The following ZNF385C variants were observed in gnomAD, a reference collection of about 807,000 sequenced individuals.
ZNF385C encodes the protein zinc finger protein 385C.
ZNF385C carries 28 observed loss-of-function variants against 35.4 expected under a neutral mutation model. That is an observed-to-expected ratio of 0.79 (90% CI 0.59 to 1.08). The LOEUF (loss-of-function observed/expected upper bound fraction) is 1.08, where lower values mean the gene tolerates loss of function less well. ZNF385C is among the 50% of genes least tolerant of loss of function. The pLI is 0.00. For missense variants in ZNF385C, 605 were observed against 595.6 expected (o/e 1.02, Z -0.16); for synonymous variants, 248 against 248.2 (o/e 1.00, Z 0.01).
intron 2 of ZNF385C, among the ~76,000 whole-genome samples, chr17:42,041,388 C>A (rs1555656115): frequency 2.0e-5 from 3 of 152,212 alleles, no homozygotes. Flanking sequence ...GTTTTCTCAT[C>A]TCTACAGCTC....
chr17:42,044,893 A>G (rs868953786), intron 2 of ZNF385C, among the ~76,000 whole-genome samples: 1 of 147,422 alleles, frequency 6.8e-6, no homozygotes, highest in Non-Finnish European at 1.5e-5. Context: ...ATGTCCAGCC[A>G]TTGGCCAAAA....
At chr17:42,052,655 A>G (rs1430463804) in intron 2 of ZNF385C, among the ~76,000 whole-genome samples, 1 of 152,204 alleles carries the variant, frequency 6.6e-6, no homozygotes, top group Non-Finnish European at 1.5e-5. Flanking sequence ...ATGAACGTAC[A>G]GACTCCTACA....
chr17:42,054,515 C>A (rs1228947318), intron 2 of ZNF385C, among the ~76,000 whole-genome samples: 1 of 151,990 alleles, frequency 6.6e-6, no homozygotes, highest in Non-Finnish European at 1.5e-5. Context: ...GTACCTGGAC[C>A]CTTGGATCTG....
chr17:42,044,918 CTTTTTTTTT>C, intron 2 of ZNF385C, among the ~76,000 whole-genome samples: 1 of 132,602 alleles, frequency 7.5e-6, no homozygotes, highest in South Asian at 2.4e-4. Context: ...CCAACTCTAC[CTTTTTTTTT>C]TTTTTTTTGA....
At position 42,095,144 on chromosome 17, in the gene ZNF385C, G is replaced by A. The variant is rs1167592773; in HGVS notation, c.-3+3266C>T. On this transcript the variant is annotated intron_variant, in intron 1 of 8. Transcript: ENST00000692273. The surrounding 1 kb of genome is among the most constrained non-coding windows in gnomAD (Gnocchi z 4.4). ...GCCTCACGATGCTAATGAGGCCAAC[G>A]TGGCAGGCTGTTCCTCAAATAGCCC... Among the ~76,000 whole-genome samples the A allele has an allele frequency of 2.0e-5, 3 of 152,166 alleles. No homozygotes were observed. The highest frequency in any genetic ancestry group is 7.2e-5 in the African/African-American group (3 of 41,426).
chr17:42,068,142 G>A (rs782703863), intron 1 of ZNF385C, among the ~76,000 whole-genome samples: 7 of 152,116 alleles, frequency 4.6e-5, no homozygotes, highest in Admixed American at 2.6e-4. Context: ...AGCTAGGGGA[G>A]CCCAGTCAGA....
chr17:42,064,477 A>ATCT (rs2053518996), intron 1 of ZNF385C, among the ~76,000 whole-genome samples: 1 of 152,236 alleles, frequency 6.6e-6, no homozygotes, highest in Admixed American at 6.5e-5. Flanking sequence ...GTACCTTAGA[A>ATCT]AGTAACTCTA....
At chr17:42,068,569 G>A (rs1201657859) in intron 1 of ZNF385C, among the ~76,000 whole-genome samples, 1 of 152,136 alleles carries the variant, frequency 6.6e-6, no homozygotes, top group Non-Finnish European at 1.5e-5. Context: ...CTCCAGGCTG[G>A]CCTCAAACTT....
At chr17:42,082,722 T>C (rs2143931817) in intron 1 of ZNF385C, among the ~76,000 whole-genome samples, 1 of 152,196 alleles carries the variant, frequency 6.6e-6, no homozygotes, top group South Asian at 2.1e-4. Context: ...TGGTTGAGTC[T>C]AGGAGTTTGA....
At chr17:42,043,139 C>A in intron 2 of ZNF385C, 1 of 1,232,190 alleles carries the variant, frequency 8.1e-7, no homozygotes, top group Non-Finnish European at 1.0e-6. Context: ...CCTGAGGTCA[C>A]GTGGCGCAGC....
At chr17:42,044,140 T>A (rs1366252218) in intron 2 of ZNF385C, among the ~76,000 whole-genome samples, 25 of 83,590 alleles carry the variant, frequency 3.0e-4, no homozygotes, top group South Asian at 9.6e-4. Context: ...ACCCCATCTC[T>A]AAAAAAAAAA....
chr17:42,042,758 A>C, intron 2 of ZNF385C: 1 of 1,113,108 alleles, frequency 9.0e-7, no homozygotes. Context: ...AGGAGCTGGC[A>C]TGCTGGGGCT....
intron 3 of ZNF385C, among the ~76,000 whole-genome samples, chr17:42,036,552 A>T (rs1911270213): frequency 1.3e-5 from 2 of 152,104 alleles, no homozygotes; most frequent in African/African-American, 2.4e-5. Flanking sequence ...AAAATAAAAT[A>T]AAAAAGGAAC....
In ZNF385C at chr17:42,062,874, GTGCACC is replaced by G; in HGVS notation, c.177_182del (p.Gln59_Val60del). ...GCCTCTGGTGGGCCCGCCCCCCACAGTGCACCTGGGCCTGGGCCGCCGAGTTCAGCT... is the reference window on the plus strand; with the variant it reads ...GCCTCTGGTGGGCCCGCCCCCCACAGTGGGCCTGGGCCGCCGAGTTCAGCT... On this transcript the variant is annotated inframe_deletion, in exon 2 of 9. Transcript: ENST00000692273. The G allele has an allele frequency of 1.5e-6, 1 of 666,662 alleles. No individual in the cohort carries two copies. The highest frequency in any genetic ancestry group is 2.7e-6 in the Non-Finnish European group (1 of 368,198). The allele number at this position is 666,662 out of a possible 1,614,324, so 41.3% of individuals were successfully genotyped here. A position where few individuals can be genotyped will look rare whatever the true frequency, so the allele number is the denominator to read the frequency against.
chr17:42,053,890 G>A (rs1399180804), intron 2 of ZNF385C, among the ~76,000 whole-genome samples: 1 of 152,108 alleles, frequency 6.6e-6, no homozygotes, highest in African/African-American at 2.4e-5. Flanking sequence ...GCAGAACGAG[G>A]AGCAAATGAA....
intron 2 of ZNF385C, among the ~76,000 whole-genome samples, chr17:42,048,049 C>T (rs1195447317): frequency 6.6e-6 from 1 of 152,066 alleles, no homozygotes; most frequent in Non-Finnish European, 1.5e-5. Flanking sequence ...CTTGGTTTTC[C>T]TTCCTCTGTC....
intron 8 of ZNF385C, 64 bp downstream of exon 8, chr17:42,027,554 G>GGCCCCCCCCCCCCCCCCCCCCCCCC: frequency 1.8e-6 from 1 of 556,882 alleles, no homozygotes; most frequent in Non-Finnish European, 3.3e-6. Flanking sequence ...CCCCCATCTG[G>GGCCCCCCCCCCCCCCCCCCCCCCCC]CCCTCCCAGC....
chr17:42,034,261 A>G lies in ZNF385C; in HGVS notation c.474T>C (p.Ile158=). The G allele has an allele frequency of 1.9e-6, 3 of 1,550,660 alleles. No homozygotes were observed. Among genetic ancestry groups the G allele is most frequent in the Non-Finnish European group, 2.6e-6 (3 of 1,146,996 alleles). ...VPSPLKKKLF[I]SCNICHLRFN... ...ACCTCAGGTGACAGATGTTACAGGAAATGAACAGCTTCTTCTTCAGAGGGG... is the reference window on the plus strand; with the variant it reads ...ACCTCAGGTGACAGATGTTACAGGAGATGAACAGCTTCTTCTTCAGAGGGG... The change falls in exon 4 of 9, where the codon ATT becomes ATC. Residue 158 remains isoleucine, a synonymous_variant. Transcript: ENST00000692273.
At chr17:42,072,562 C>T (rs1172987122) in intron 1 of ZNF385C, among the ~76,000 whole-genome samples, 1 of 152,014 alleles carries the variant, frequency 6.6e-6, no homozygotes, top group African/African-American at 2.4e-5. Flanking sequence ...CCGCGCCTAC[C>T]TGGAGAGCGC....
Sources: gnomAD v4.1 joint callset for allele counts (sites outside exome capture counted in the v4.1 genomes callset) on GRCh38, gnomAD v4.1.1 for gene constraint, Gnocchi (gnomAD v3.1) non-coding constraint, MANE v1.5 for transcripts, NCBI Gene and HGNC (gene_info 2026-07-23, HGNC 2026-07-21) for gene names.